The following SYN3 variants were observed in gnomAD, a reference collection of about 807,000 sequenced individuals.
SYN3 encodes synapsin-3.
Under a neutral mutation model 65.8 loss-of-function variants are expected in SYN3, and 35 were observed. The observed-to-expected ratio is 0.53, with a 90% CI of 0.41 to 0.70. The LOEUF (loss-of-function observed/expected upper bound fraction) is 0.70, where lower values mean the gene tolerates loss of function less well. Among genes scored for constraint, SYN3 ranks in the 30% least tolerant of loss-of-function variants. The probability of loss-of-function intolerance (pLI) is 0.00; values close to 1 mark genes in which losing one functional copy is unlikely to be tolerated. For synonymous variants in SYN3, 270 were observed against 292.9 expected (o/e 0.92, Z 0.80); for missense variants, 680 against 749.0 (o/e 0.91, Z 1.08).
chr22:32,974,770 T>C (rs1364443644), intron 3 of SYN3, among the ~76,000 whole-genome samples: 1 of 152,236 alleles, frequency 6.6e-6, no homozygotes, highest in Admixed American at 6.5e-5. Flanking sequence ...CAATCTCAAC[T>C]GTAGTTTATT....
intron 6 of SYN3, among the ~76,000 whole-genome samples, chr22:32,833,366 C>G (rs564311396): frequency 7.2e-5 from 11 of 152,086 alleles, no homozygotes; most frequent in African/African-American, 2.7e-4. Flanking sequence ...TTTTGTAAGC[C>G]CAAGATGTCA....
intron 6 of SYN3, among the ~76,000 whole-genome samples, chr22:32,820,482 C>T (rs2047216024): frequency 6.6e-6 from 1 of 152,054 alleles, no homozygotes; most frequent in African/African-American, 2.4e-5. Flanking sequence ...ACCTGAAAGC[C>T]GTAACTCCCC....
In SYN3 at chr22:32,866,244, G is replaced by A. The variant is rs1000602869; in HGVS notation, c.622-1240C>T. On this transcript the variant is annotated intron_variant, in intron 5 of 13. Transcript: ENST00000358763. ...TGACTTGGAGGTCACTCAATACTAAGAGCCTGGACACTGAAAACAGAGTAA... is the reference window on the plus strand; with the variant it reads ...TGACTTGGAGGTCACTCAATACTAAAAGCCTGGACACTGAAAACAGAGTAA... Among the ~76,000 whole-genome samples the A allele has an allele frequency of 7.9e-5, 12 of 152,212 alleles. 1 individual carries two copies. The highest frequency in any genetic ancestry group is 2.0e-4 in the Admixed American group (3 of 15,286).
intron 6 of SYN3, among the ~76,000 whole-genome samples, chr22:32,636,464 C>T (rs970583167): frequency 2.6e-5 from 4 of 151,774 alleles, no homozygotes. Context: ...CTGCTGTTCC[C>T]ACCTTCACCA....
chr22:33,036,091 G>A (rs2053854700), intron 1 of SYN3, among the ~76,000 whole-genome samples: 1 of 152,076 alleles, frequency 6.6e-6, no homozygotes, highest in East Asian at 1.9e-4. Flanking sequence ...TCTCACAAGA[G>A]TATAAGCATT....
At chr22:32,722,097 C>T (rs1283555243) in intron 6 of SYN3, among the ~76,000 whole-genome samples, 1 of 151,870 alleles carries the variant, frequency 6.6e-6, no homozygotes, top group Non-Finnish European at 1.5e-5. Flanking sequence ...CAATGCATCT[C>T]GAAGGGTCTG....
At chr22:33,018,033 T>C (rs1268659516) in intron 1 of SYN3, among the ~76,000 whole-genome samples, 1 of 152,208 alleles carries the variant, frequency 6.6e-6, no homozygotes, top group Admixed American at 6.5e-5. Context: ...AAGGGCCATG[T>C]TGAAATCAAT....
chr22:32,532,454 G>A (rs1226392150), intron 10 of SYN3, among the ~76,000 whole-genome samples: 1 of 152,308 alleles, frequency 6.6e-6, no homozygotes, highest in Admixed American at 6.5e-5. Context: ...GGAACTTCAG[G>A]TGTGGTGGCG....
chr22:32,537,732 C>T (rs985400569), intron 9 of SYN3, among the ~76,000 whole-genome samples: 7 of 152,172 alleles, frequency 4.6e-5, no homozygotes, highest in Admixed American at 2.0e-4. Context: ...GGAAAGACCT[C>T]GGACTTGGAG....
chr22:33,023,622 G>T (rs974425889), intron 1 of SYN3, among the ~76,000 whole-genome samples: 2 of 152,060 alleles, frequency 1.3e-5, no homozygotes, highest in Non-Finnish European at 2.9e-5. Context: ...AGGCTGAGGT[G>T]GGAGGATTGC....
intron 1 of SYN3, among the ~76,000 whole-genome samples, chr22:33,054,309 A>G (rs1378830607): frequency 6.6e-6 from 1 of 152,074 alleles, no homozygotes; most frequent in Non-Finnish European, 1.5e-5. Context: ...AGGGTATTTG[A>G]ATTGTATCCT....
chr22:33,039,416 C>G (rs976188097), intron 1 of SYN3, among the ~76,000 whole-genome samples: 2 of 147,848 alleles, frequency 1.4e-5, no homozygotes, highest in Non-Finnish European at 3.0e-5. Context: ...CACTCTGTTA[C>G]CCAGGCTGGA....
intron 13 of SYN3, chr22:32,514,457 TC>T (rs1422645110): frequency 6.6e-6 from 1 of 152,138 alleles, no homozygotes; most frequent in African/African-American, 2.4e-5. Context: ...GCTAATTCTG[TC>T]CCCCACCCGC....
At chr22:32,625,026 A>G (rs182340238) in intron 6 of SYN3, among the ~76,000 whole-genome samples, 2 of 152,274 alleles carry the variant, frequency 1.3e-5, no homozygotes, top group Admixed American at 6.5e-5. Context: ...ACCTTCTCCT[A>G]TCACTTGCCC....
At chr22:32,749,375 C>T (rs982605667) in intron 6 of SYN3, among the ~76,000 whole-genome samples, 5 of 145,122 alleles carry the variant, frequency 3.4e-5, no homozygotes, top group African/African-American at 7.7e-5. Flanking sequence ...TGCTCAGTGG[C>T]TCACACCTGT....
At chr22:32,665,209 G>A (rs2060274083) in intron 6 of SYN3, among the ~76,000 whole-genome samples, 1 of 151,822 alleles carries the variant, frequency 6.6e-6, no homozygotes, top group South Asian at 2.1e-4. Context: ...TGTTGGCCAG[G>A]CTGGTCTTGA....
chr22:32,757,497 A>G (rs1051048118), intron 6 of SYN3, among the ~76,000 whole-genome samples: 8 of 151,826 alleles, frequency 5.3e-5, no homozygotes, highest in Non-Finnish European at 1.2e-4. Flanking sequence ...GGGTTTTTCC[A>G]TGTTGGTCAG....
intron 7 of SYN3, among the ~76,000 whole-genome samples, chr22:32,546,866 C>G (rs567307264): frequency 1.3e-5 from 2 of 151,846 alleles, no homozygotes; most frequent in Non-Finnish European, 2.9e-5. Flanking sequence ...CTTCTCTTAT[C>G]TCCTCTCTCC....
intron 3 of SYN3, among the ~76,000 whole-genome samples, chr22:32,943,967 C>A (rs540113642): frequency 4.6e-5 from 7 of 152,278 alleles, no homozygotes; most frequent in African/African-American, 1.4e-4. Flanking sequence ...AGAGACTTAA[C>A]AAAGAGACTT....
Sources: gnomAD v4.1 joint callset for allele counts (sites outside exome capture counted in the v4.1 genomes callset) on GRCh38, gnomAD v4.1.1 for gene constraint, MANE v1.5 for transcripts, NCBI Gene and HGNC (gene_info 2026-07-23, HGNC 2026-07-21) for gene names.